LRRC4C: variants seen among roughly 807,000 people sequenced by gnomAD.
LRRC4C encodes the protein leucine rich repeat containing 4C, also known as leucine-rich repeat-containing protein 4C.
In LRRC4C, 5 loss-of-function variants were observed where a neutral mutation model predicts 33.6. The ratio of observed to expected loss-of-function variants is 0.15; its 90% confidence interval spans 0.08 to 0.31. The LOEUF is 0.31. Among genes scored for constraint, LRRC4C ranks in the 10% least tolerant of loss-of-function variants. The pLI, the probability that LRRC4C is intolerant of heterozygous loss-of-function variation, is 1.00. For synonymous variants in LRRC4C, 329 were observed against 302.0 expected, an observed-to-expected ratio of 1.09 and a Z score of -0.93; for missense variants, 560 against 796.7, an observed-to-expected ratio of 0.70 and a Z score of 3.58.
At position 40,222,315 on chromosome 11, in the gene LRRC4C, G is replaced by A. The variant is rs565931041; in HGVS notation, c.-96+19204C>T. On this transcript the variant is annotated intron_variant, in intron 5 of 6. Coordinates refer to ENST00000528697, the MANE Select transcript of LRRC4C (RefSeq NM_001258419.2). Reference sequence around the variant, plus strand: ...AACTGTTTTGAGCCCCCATGTATTTGTTTGTATTAAATAAGATAGAGGACA... The same window carrying A: ...AACTGTTTTGAGCCCCCATGTATTTATTTGTATTAAATAAGATAGAGGACA... 1.7e-4 allele frequency among the ~76,000 whole-genome samples: 26 copies of A among 152,178 alleles called. 1 individual carries two copies. The South Asian group carries it at 5.2e-3, about 30-fold the overall frequency.
chr11:40,571,137 T>C (rs72886942), intron 3 of LRRC4C, among the ~76,000 whole-genome samples: 1,632 of 152,146 alleles, frequency 0.011, 24 homozygotes, highest in African/African-American at 0.026. Context: ...ATGGTAGTAA[T>C]TAGGATACGT....
chr11:41,084,208 C>A (rs1316630459), intron 1 of LRRC4C, among the ~76,000 whole-genome samples: 1 of 152,060 alleles, frequency 6.6e-6, no homozygotes, highest in Non-Finnish European at 1.5e-5. Context: ...GATGTAAAAC[C>A]CCAGATCATC....
At chr11:40,550,054 C>T (rs908506457) in intron 3 of LRRC4C, among the ~76,000 whole-genome samples, 3 of 151,954 alleles carry the variant, frequency 2.0e-5, no homozygotes, top group African/African-American at 4.8e-5. Context: ...CCCTAAGACA[C>T]CTAGAACTGT....
intron 4 of LRRC4C, among the ~76,000 whole-genome samples, chr11:40,316,553 G>T (rs1319370478): frequency 6.6e-6 from 1 of 151,934 alleles, no homozygotes; most frequent in Non-Finnish European, 1.5e-5. Context: ...GCATGACAAT[G>T]CTTACAGGCA....
At chr11:40,981,340 G>A (rs1456324016) in intron 1 of LRRC4C, among the ~76,000 whole-genome samples, 1 of 152,196 alleles carries the variant, frequency 6.6e-6, no homozygotes, top group Non-Finnish European at 1.5e-5. Flanking sequence ...CTTGAGCCCG[G>A]GAGGCGGAGC....
chr11:40,347,344 G>T (rs947939559), intron 3 of LRRC4C, among the ~76,000 whole-genome samples: 3 of 152,118 alleles, frequency 2.0e-5, no homozygotes, highest in African/African-American at 7.2e-5. Context: ...CACTACATTA[G>T]GCTTTGTCTT....
chr11:41,138,168 G>T (rs1943347940), intron 1 of LRRC4C, among the ~76,000 whole-genome samples: 1 of 152,192 alleles, frequency 6.6e-6, no homozygotes, highest in Admixed American at 6.5e-5. Flanking sequence ...AGATCCATAT[G>T]CTAGACACTA....
At chr11:40,526,688 T>C (rs1047739175) in intron 3 of LRRC4C, among the ~76,000 whole-genome samples, 5 of 152,258 alleles carry the variant, frequency 3.3e-5, no homozygotes, top group South Asian at 4.1e-4. Flanking sequence ...TGTATCTAGG[T>C]ATAAGCCCTA....
intron 3 of LRRC4C, among the ~76,000 whole-genome samples, chr11:40,488,699 ACG>A (rs1242349600): frequency 6.6e-6 from 1 of 151,910 alleles, no homozygotes. Flanking sequence ...ATGTATTCCT[ACG>A]AGTTATGGCT....
chr11:41,051,049 A>G (rs1858167183), intron 1 of LRRC4C, among the ~76,000 whole-genome samples: 1 of 152,158 alleles, frequency 6.6e-6, no homozygotes, highest in South Asian at 2.1e-4. Flanking sequence ...TATCAGCTCA[A>G]TGAGTCACAA....
At chr11:40,816,541 A>G (rs1842803753) in intron 2 of LRRC4C, among the ~76,000 whole-genome samples, 1 of 152,172 alleles carries the variant, frequency 6.6e-6, no homozygotes, top group Admixed American at 6.6e-5. Flanking sequence ...TCACACCTTG[A>G]TTCATTTATA....
chr11:40,935,063 A>T (rs1213752192), intron 1 of LRRC4C, among the ~76,000 whole-genome samples: 1 of 152,138 alleles, frequency 6.6e-6, no homozygotes, highest in Non-Finnish European at 1.5e-5. Flanking sequence ...TGACAAACAG[A>T]CTTTTTAAAA....
At chr11:41,025,877 T>C (rs1856308875) in intron 1 of LRRC4C, among the ~76,000 whole-genome samples, 1 of 151,758 alleles carries the variant, frequency 6.6e-6, no homozygotes, top group South Asian at 2.1e-4. Context: ...GAAGATAGCA[T>C]ATCTGTTTAC....
At chr11:40,967,324 G>T (rs1472687520) in intron 1 of LRRC4C, among the ~76,000 whole-genome samples, 1 of 151,904 alleles carries the variant, frequency 6.6e-6, no homozygotes, top group Admixed American at 6.6e-5. Context: ...GAAAATAGGG[G>T]ATAGGATTCT....
chr11:40,465,546 T>C lies in LRRC4C; in HGVS notation c.-269-145825A>G, dbSNP rs180887611. Among the ~76,000 whole-genome samples, 58 of 151,896 alleles carry C rather than the reference T, an allele frequency of 3.8e-4. No individual in the cohort carries two copies. The East Asian group carries it at 9.7e-3, about 25-fold the overall frequency. ...ACTGGGAGAAACTATTTGCAAACTA[T>C]GCCTTTAACAAAGGACTAATATCCA... On this transcript the variant is annotated intron_variant, in intron 3 of 6. Transcript: ENST00000528697.
At chr11:41,341,930 A>G (rs1167977479) in intron 1 of LRRC4C, among the ~76,000 whole-genome samples, 1 of 152,204 alleles carries the variant, frequency 6.6e-6, no homozygotes, top group Admixed American at 6.5e-5. Flanking sequence ...GGCATTGATA[A>G]TCTGGTTATT....
intron 3 of LRRC4C, among the ~76,000 whole-genome samples, chr11:40,567,613 T>C (rs930533235): frequency 6.6e-6 from 1 of 152,190 alleles, no homozygotes; most frequent in Non-Finnish European, 1.5e-5. Context: ...CTCCTTATAA[T>C]GCTCTCCAGT....
intron 5 of LRRC4C, among the ~76,000 whole-genome samples, chr11:40,153,501 C>T (rs1265306416): frequency 2.6e-5 from 4 of 151,418 alleles, no homozygotes; most frequent in Admixed American, 6.6e-5. Context: ...AGGGAGGGAC[C>T]AGAGAAAGGT....
intron 4 of LRRC4C, among the ~76,000 whole-genome samples, chr11:40,255,958 G>T (rs1475793859): frequency 6.6e-6 from 1 of 152,128 alleles, no homozygotes; most frequent in African/African-American, 2.4e-5. Flanking sequence ...AAGCTACAAA[G>T]GCTCTAAATC....
Sources: allele counts gnomAD v4.1 joint callset (sites outside exome capture counted in the v4.1 genomes callset), GRCh38; gene constraint gnomAD v4.1.1; transcripts MANE v1.5; gene names NCBI Gene and HGNC (gene_info 2026-07-23, HGNC 2026-07-21).